Variants in MCPH1 observed in about 807,000 individuals in gnomAD.
The protein encoded by MCPH1 is microcephalin.
A neutral mutation model predicts 84.5 loss-of-function variants in MCPH1; 104 were observed. The observed-to-expected ratio is 1.23, with a 90% CI of 1.05 to 1.45. The LOEUF (loss-of-function observed/expected upper bound fraction) is 1.45, where lower values mean the gene tolerates loss of function less well. Among genes scored for constraint, MCPH1 ranks in the 40% most tolerant of loss-of-function variants. MCPH1 has a pLI of 0.00. For synonymous variants in MCPH1, 514 were observed against 366.8 expected (o/e 1.40, Z -4.58); for missense variants, 1,498 against 1,005.7 (o/e 1.49, Z -6.62).
chr8:6,621,247 G>A (rs181910560), intron 12 of MCPH1: 20 of 616,464 alleles, frequency 3.2e-5, no homozygotes, highest in East Asian at 1.1e-4. Context: ...GGAGTTTTAC[G>A]CATGGCTACT....
In MCPH1 at chr8:6,563,073, C is replaced by G. The variant is rs1825805537; in HGVS notation, c.2215-58381C>G. The G allele has an allele frequency of 7.6e-6, 7 of 924,736 alleles. No individual in the cohort carries two copies. The South Asian group carries it at 1.3e-4, about 17-fold the overall frequency. 57.3% of individuals were successfully genotyped at this position (924,736 alleles called of 1,614,324 possible). A position where few individuals can be genotyped will look rare whatever the true frequency, so the allele number is the denominator to read the frequency against. Reference sequence around the variant, plus strand: ...CGTCAATGAAAGTCTTCTCTTTCCTCTTTTTCCAGTAGCAAACCTGGTTTT... The same window carrying G: ...CGTCAATGAAAGTCTTCTCTTTCCTGTTTTTCCAGTAGCAAACCTGGTTTT... On this transcript the variant is annotated intron_variant, in intron 12 of 13. Coordinates refer to ENST00000344683, the MANE Select transcript of MCPH1 (RefSeq NM_024596.5).
intron 13 of MCPH1, among the ~76,000 whole-genome samples, chr8:6,623,010 TTTC>T (rs1349301660): frequency 1.4e-4 from 16 of 113,926 alleles, no homozygotes; most frequent in African/African-American, 2.9e-4. Flanking sequence ...CCAGCTTTAC[TTTC>T]TTTTTTTTTT....
intron 9 of MCPH1, among the ~76,000 whole-genome samples, chr8:6,457,832 ACCGCACAG>A (rs556199219): frequency 8.8e-4 from 134 of 152,188 alleles, no homozygotes; most frequent in African/African-American, 2.9e-3. Flanking sequence ...ATTAGTGTTC[ACCGCACAG>A]CCTTTGCTTG....
At chr8:6,448,605 A>C (rs1405061521) in intron 8 of MCPH1, among the ~76,000 whole-genome samples, 1 of 152,238 alleles carries the variant, frequency 6.6e-6, no homozygotes, top group African/African-American at 2.4e-5. Context: ...TCCACAGTTT[A>C]ATATTTCCTT....
At chr8:6,414,238 C>A (rs1184570514) in intron 2 of MCPH1, among the ~76,000 whole-genome samples, 2 of 152,160 alleles carry the variant, frequency 1.3e-5, no homozygotes, top group African/African-American at 4.8e-5. Flanking sequence ...AAACTGCTGA[C>A]CTCAGGTGAT....
intron 12 of MCPH1, among the ~76,000 whole-genome samples, chr8:6,573,107 G>A (rs1419364551): frequency 6.6e-6 from 1 of 152,210 alleles, no homozygotes; most frequent in East Asian, 1.9e-4. Context: ...AGAGGGAGGA[G>A]ATGGGTGAGT....
chr8:6,629,169 C>T (rs767613024), intron 13 of MCPH1, among the ~76,000 whole-genome samples: 2 of 152,128 alleles, frequency 1.3e-5, no homozygotes, highest in African/African-American at 2.4e-5. Flanking sequence ...TGTCCTTATA[C>T]GAAGAGGAAG....
chr8:6,480,696 T>C lies in MCPH1; in HGVS notation c.1974-18T>C, dbSNP rs1212851488. On this transcript the variant is annotated intron_variant, in intron 10 of 13. Coordinates refer to ENST00000344683, the MANE Select transcript of MCPH1 (RefSeq NM_024596.5). The stretch of plus-strand genomic sequence containing the variant: ...AACAAAGTCATTCATTTTGTTAATT[T>C]TTCCCCCGATTTGACAGAAAGCAGA... The C allele has an allele frequency of 1.2e-6, 2 of 1,614,008 alleles. No homozygotes were observed. Among genetic ancestry groups the C allele is most frequent in the Non-Finnish European group, 1.7e-6 (2 of 1,179,996 alleles).
intron 9 of MCPH1, among the ~76,000 whole-genome samples, chr8:6,476,551 C>G (rs1808484433): frequency 6.6e-6 from 1 of 151,810 alleles, no homozygotes; most frequent in African/African-American, 2.4e-5. Flanking sequence ...TGTTTTGAAA[C>G]CAAAGTAGAA....
intron 13 of MCPH1, among the ~76,000 whole-genome samples, chr8:6,635,679 A>C (rs2980654): frequency 2.6e-5 from 4 of 152,060 alleles, no homozygotes; most frequent in African/African-American, 9.7e-5. Context: ...TGTCGGTTCT[A>C]AGACCATTGT....
rs1563306516 is a variant in MCPH1, at chr8:6,505,362, TATATAGAA to T, written c.2214+5434_2214+5441del. Among the ~76,000 whole-genome samples, 67 of 50,802 alleles carry T rather than the reference TATATAGAA, an allele frequency of 1.3e-3. 5 individuals are homozygous for T. Among genetic ancestry groups the T allele is most frequent in the African/African-American group, 4.7e-3 (65 of 13,860 alleles). The allele number at this position is 50,802 out of a possible 152,430, so 33.3% of individuals were successfully genotyped here. A position where few individuals can be genotyped will look rare whatever the true frequency, so the allele number is the denominator to read the frequency against. On this transcript the variant is annotated intron_variant, in intron 12 of 13. Transcript: ENST00000344683. ...AGAATATATATATTCTTTCTATATG[TATATAGAA>T]TATATATATTCTTTCTATATGTATA...
chr8:6,599,687 C>T (rs1483706949), intron 12 of MCPH1, among the ~76,000 whole-genome samples: 1 of 152,214 alleles, frequency 6.6e-6, no homozygotes, highest in African/African-American at 2.4e-5. Context: ...AAATAGTCTC[C>T]TGGTAGTTTT....
intron 3 of MCPH1, among the ~76,000 whole-genome samples, chr8:6,423,993 C>T (rs1169796281): frequency 3.3e-5 from 5 of 152,156 alleles, no homozygotes; most frequent in East Asian, 1.9e-4. Flanking sequence ...TTTTATGTCA[C>T]GTCTGTCCTT....
chr8:6,627,167 G>A (rs1045503405), intron 13 of MCPH1: 7 of 985,194 alleles, frequency 7.1e-6, no homozygotes, highest in African/African-American at 1.7e-5. Context: ...AATGCACGAC[G>A]CTCCCATGGG....
chr8:6,483,707 A>G (rs1284748325), intron 11 of MCPH1, among the ~76,000 whole-genome samples: 1 of 152,188 alleles, frequency 6.6e-6, no homozygotes, highest in Non-Finnish European at 1.5e-5. Flanking sequence ...CAAAAATAAA[A>G]AAACTAGCTC....
At chr8:6,568,411 G>A (rs1826389825) in intron 12 of MCPH1, among the ~76,000 whole-genome samples, 1 of 152,198 alleles carries the variant, frequency 6.6e-6, no homozygotes, top group African/African-American at 2.4e-5. Flanking sequence ...AGGATGCTAA[G>A]TCAGCACAAA....
chr8:6,504,622 G>A (rs1280936850), intron 12 of MCPH1, among the ~76,000 whole-genome samples: 1 of 152,144 alleles, frequency 6.6e-6, no homozygotes, highest in Non-Finnish European at 1.5e-5. Context: ...GCTGTAAAGT[G>A]CTTCCTTTAA....
chr8:6,496,990 T>C (rs1228589991), intron 11 of MCPH1, among the ~76,000 whole-genome samples: 1 of 152,212 alleles, frequency 6.6e-6, no homozygotes, highest in Admixed American at 6.5e-5. Flanking sequence ...GTTCAGTGTT[T>C]TTGCTTATGA....
chr8:6,503,339 A>G, intron 12 of MCPH1: 2 of 1,496,646 alleles, frequency 1.3e-6, no homozygotes, highest in Non-Finnish European at 1.8e-6. Context: ...TACTCAGCTA[A>G]GGCAGGAGGC....
Sources: allele counts gnomAD v4.1 joint callset (sites outside exome capture counted in the v4.1 genomes callset), GRCh38; gene constraint gnomAD v4.1.1; transcripts MANE v1.5; gene names NCBI Gene and HGNC (gene_info 2026-07-23, HGNC 2026-07-21).